RBFOX1: variants seen among roughly 807,000 people sequenced by gnomAD.
RBFOX1 encodes the protein RNA binding protein fox-1 homolog 1.
A neutral mutation model predicts 57.7 loss-of-function variants in RBFOX1; 8 were observed. The observed-to-expected ratio is 0.14, with a 90% CI of 0.08 to 0.25. RBFOX1 has a LOEUF of 0.25. Among genes scored for constraint, RBFOX1 ranks in the 10% least tolerant of loss-of-function variants. The pLI, the probability that RBFOX1 is intolerant of heterozygous loss-of-function variation, is 1.00. For synonymous variants in RBFOX1, 326 were observed against 222.4 expected, an observed-to-expected ratio of 1.47 and a Z score of -4.15; for missense variants, 611 against 548.5, an observed-to-expected ratio of 1.11 and a Z score of -1.14.
In RBFOX1 at chr16:6,574,222, T is replaced by C. The variant is rs1389353638; in HGVS notation, c.-63-80381T>C. Among the ~76,000 whole-genome samples the C allele has an allele frequency of 2.0e-5, 3 of 151,968 alleles. No individual in the cohort carries two copies. In the East Asian group the frequency reaches 5.9e-4, roughly 30 times the overall value. ...CTCTAGTCCTCAGTTTTCTTATCTG[T>C]AAAGTGGGCTCCAGCATACGGCTTA... On this transcript the variant is annotated intron_variant, in intron 2 of 15. Transcript: ENST00000550418.
At chr16:7,235,195 G>T (rs1403015048) in intron 4 of RBFOX1, among the ~76,000 whole-genome samples, 1 of 152,170 alleles carries the variant, frequency 6.6e-6, no homozygotes, top group Non-Finnish European at 1.5e-5. Flanking sequence ...GCTTTAAAAT[G>T]TTGACATTCC....
At chr16:6,724,368 C>T (rs2066688158) in intron 3 of RBFOX1, among the ~76,000 whole-genome samples, 1 of 152,040 alleles carries the variant, frequency 6.6e-6, no homozygotes, top group African/African-American at 2.4e-5. Context: ...CTCCAGCATG[C>T]CCAGCAAATT....
At chr16:5,414,304 C>G (rs748203616) in intron 1 of RBFOX1, among the ~76,000 whole-genome samples, 7 of 152,180 alleles carry the variant, frequency 4.6e-5, no homozygotes, top group African/African-American at 1.7e-4. Flanking sequence ...AGTTATTACT[C>G]AGCTGCTAGG....
chr16:5,945,256 T>C (rs185361612), intron 4 of RBFOX1, among the ~76,000 whole-genome samples: 4 of 152,018 alleles, frequency 2.6e-5, no homozygotes, highest in Admixed American at 2.6e-4. Context: ...TTACCTTTGG[T>C]TTTAGCTAGC....
chr16:6,941,924 C>T (rs1178299891), intron 3 of RBFOX1, among the ~76,000 whole-genome samples: 2 of 152,170 alleles, frequency 1.3e-5, no homozygotes, highest in Non-Finnish European at 1.5e-5. Flanking sequence ...CCTCCCGCTT[C>T]AGTCTCCCAA....
At chr16:6,523,432 G>A (rs2096536220) in intron 2 of RBFOX1, among the ~76,000 whole-genome samples, 1 of 152,140 alleles carries the variant, frequency 6.6e-6, no homozygotes, top group Admixed American at 6.5e-5. Context: ...CATTGAACAT[G>A]GGTGCACATT....
intron 1 of RBFOX1, among the ~76,000 whole-genome samples, chr16:5,369,599 T>C (rs1385479107): frequency 6.6e-6 from 1 of 152,208 alleles, no homozygotes; most frequent in Non-Finnish European, 1.5e-5. Flanking sequence ...CACACGCTCC[T>C]GAGCAGCGGT....
chr16:7,387,229 A>G (rs1042387519), intron 4 of RBFOX1, among the ~76,000 whole-genome samples: 23 of 152,166 alleles, frequency 1.5e-4, no homozygotes, highest in African/African-American at 5.3e-4. Flanking sequence ...TGTGCAAAGT[A>G]CCTACCATGC....
intron 1 of RBFOX1, among the ~76,000 whole-genome samples, chr16:5,331,170 G>T (rs2064745027): frequency 6.6e-6 from 1 of 152,142 alleles, no homozygotes; most frequent in African/African-American, 2.4e-5. Flanking sequence ...TCCGGATAGG[G>T]TAAGCCTGGA....
intron 1 of RBFOX1, among the ~76,000 whole-genome samples, chr16:6,061,215 C>G (rs1160349107): frequency 6.6e-6 from 1 of 152,138 alleles, no homozygotes; most frequent in African/African-American, 2.4e-5. Flanking sequence ...CAGGGACCCA[C>G]TATAGCAATT....
chr16:5,743,869 A>T (rs976721876), intron 3 of RBFOX1, among the ~76,000 whole-genome samples: 2 of 152,154 alleles, frequency 1.3e-5, no homozygotes, highest in Non-Finnish European at 2.9e-5. Context: ...GGCACATAAC[A>T]CGGTATTGTT....
In RBFOX1 at chr16:7,075,770, C is replaced by G. The variant is rs534021427; in HGVS notation, c.27+23672C>G. Among the ~76,000 whole-genome samples, 4 of 152,088 alleles carry G rather than the reference C, an allele frequency of 2.6e-5. No homozygotes were observed. The South Asian group carries it at 8.3e-4, about 32-fold the overall frequency. ...TAATTTTTTTTATTTTTAGTAGAGA[C>G]GGGATTTCACCGTTTTAGCCAGGAT... On this transcript the variant is annotated intron_variant, in intron 4 of 15. Transcript: ENST00000550418.
At chr16:6,330,966 G>A (rs1013742939) in intron 2 of RBFOX1, among the ~76,000 whole-genome samples, 1 of 152,182 alleles carries the variant, frequency 6.6e-6, no homozygotes, top group African/African-American at 2.4e-5. Flanking sequence ...GGAATTGAAA[G>A]AGCAGATATG....
At chr16:5,360,922 G>A (rs62017693) in intron 1 of RBFOX1, among the ~76,000 whole-genome samples, 7,157 of 152,182 alleles carry the variant, frequency 0.047, 266 homozygotes, top group East Asian at 0.12. Flanking sequence ...AGATCTAGTG[G>A]GAGAAGCCTC....
chr16:7,034,294 C>T lies in RBFOX1; in HGVS notation c.-15-17763C>T, dbSNP rs571867345. Among the ~76,000 whole-genome samples the T allele has an allele frequency of 1.9e-4, 29 of 152,208 alleles. No homozygotes were observed. The East Asian group carries it at 2.5e-3, about 13-fold the overall frequency. The stretch of plus-strand genomic sequence containing the variant: ...AATGACAGTATCTACTGGGTAAGGT[C>T]CCTGTAAGAAGTCACTGTAGGATGA... On this transcript the variant is annotated intron_variant, in intron 3 of 15. Transcript: ENST00000550418.
At chr16:6,519,377 C>T (rs1040761432) in intron 2 of RBFOX1, among the ~76,000 whole-genome samples, 35 of 152,276 alleles carry the variant, frequency 2.3e-4, no homozygotes, top group African/African-American at 8.4e-4. Flanking sequence ...AGCCCTCCAC[C>T]TTGGGAAAAC....
At chr16:7,258,094 C>G (rs985465405) in intron 4 of RBFOX1, among the ~76,000 whole-genome samples, 1 of 152,158 alleles carries the variant, frequency 6.6e-6, no homozygotes, top group Non-Finnish European at 1.5e-5. Context: ...ATATTCTGTT[C>G]ATGAAAATGC....
At chr16:7,268,031 G>A (rs1411690281) in intron 4 of RBFOX1, among the ~76,000 whole-genome samples, 1 of 152,144 alleles carries the variant, frequency 6.6e-6, no homozygotes, top group Non-Finnish European at 1.5e-5. Context: ...TGTAGCCTAC[G>A]ACACATCTAG....
At chr16:6,149,547 G>A (rs1279012455) in intron 1 of RBFOX1, among the ~76,000 whole-genome samples, 2 of 152,218 alleles carry the variant, frequency 1.3e-5, no homozygotes, top group Admixed American at 6.5e-5. Context: ...GGTGCTGACT[G>A]GGTGAAATAA....
Sources: gnomAD v4.1 joint callset for allele counts (sites outside exome capture counted in the v4.1 genomes callset) on GRCh38, gnomAD v4.1.1 for gene constraint, MANE v1.5 for transcripts, NCBI Gene and HGNC (gene_info 2026-07-23, HGNC 2026-07-21) for gene names.